The following SPAG9 variants were observed in gnomAD, a reference collection of about 807,000 sequenced individuals.
The protein encoded by SPAG9 is C-Jun-amino-terminal kinase-interacting protein 4.
SPAG9 carries 35 observed loss-of-function variants against 166.5 expected under a neutral mutation model. The observed-to-expected ratio is 0.21, with a 90% CI of 0.16 to 0.28. SPAG9 has a LOEUF of 0.28. Ranked by LOEUF, SPAG9 falls within the 10% of genes least tolerant of loss-of-function variation. The probability of loss-of-function intolerance (pLI) is 1.00; values close to 1 mark genes in which losing one functional copy is unlikely to be tolerated. For missense variants in SPAG9, 1,235 were observed against 1,603.3 expected (o/e 0.77, Z 3.92); for synonymous variants, 534 against 565.5 (o/e 0.94, Z 0.79).
chr17:51,065,427 A>T (rs2144567231), intron 2 of SPAG9, among the ~76,000 whole-genome samples: 1 of 152,310 alleles, frequency 6.6e-6, no homozygotes, highest in Non-Finnish European at 1.5e-5. Flanking sequence ...TTTTTAAAGA[A>T]AAAGTCAAAT....
intron 1 of SPAG9, among the ~76,000 whole-genome samples, chr17:51,092,766 A>C (rs79294031): frequency 4.7e-5 from 7 of 149,362 alleles, no homozygotes; most frequent in Non-Finnish European, 1.0e-4. Flanking sequence ...AAAAAAAAAA[A>C]AGAAAAAAAG....
chr17:51,077,467 T>C, intron 2 of SPAG9, among the ~76,000 whole-genome samples: 1 of 152,024 alleles, frequency 6.6e-6, no homozygotes, highest in East Asian at 1.9e-4. Context: ...GATTTAAACA[T>C]TACCTCCAAT....
Position 51,041,535 on chromosome 17 carries a change from T to G in SPAG9, c.707A>C (p.Glu236Ala), listed in dbSNP as rs1268470347. The part of the protein sequence containing the change: ...TPGSEQWKFQ[E>A]LSQPRSHTSL... ...GGTATGAGAACGTGGTTGACTTAATTCCTGAAATTTCCATTGCTCAGATCC... is the reference window on the plus strand; with the variant it reads ...GGTATGAGAACGTGGTTGACTTAATGCCTGAAATTTCCATTGCTCAGATCC... The change falls in exon 5 of 30, where the codon GAA (glutamate) becomes GCA (alanine). Residue 236 changes from glutamate (E) to alanine (A), a missense_variant. This residue lies in a region of SPAG9 where 288 missense variants were observed against 323.7 expected (regional missense o/e 0.89). Coordinates refer to ENST00000262013, the MANE Select transcript of SPAG9 (RefSeq NM_001130528.3). 2 of 1,613,978 alleles carry G rather than the reference T, an allele frequency of 1.2e-6. No homozygotes were observed. Among genetic ancestry groups the G allele is most frequent in the South Asian group, 2.2e-5 (2 of 91,066 alleles).
At chr17:50,975,527 C>T (rs1279473548) in intron 27 of SPAG9, among the ~76,000 whole-genome samples, 1 of 152,014 alleles carries the variant, frequency 6.6e-6, no homozygotes, top group African/African-American at 2.4e-5. Context: ...ATTCCATGGG[C>T]AAGTAAGTAA....
intron 1 of SPAG9, chr17:51,085,525 T>C (rs1020297023): frequency 2.0e-5 from 3 of 152,234 alleles, no homozygotes; most frequent in Non-Finnish European, 2.9e-5. Flanking sequence ...TTTTAAGTGA[T>C]GTGACAGGTC....
chr17:51,100,900 A>G (rs1480152810), intron 1 of SPAG9, among the ~76,000 whole-genome samples: 1 of 152,124 alleles, frequency 6.6e-6, no homozygotes, highest in Admixed American at 6.6e-5. Context: ...AGCCTGGGCA[A>G]TAAGAGCAAA....
chr17:50,996,814 T>G, intron 15 of SPAG9, 120 bp from the exon 16 acceptor site: 2 of 986,264 alleles, frequency 2.0e-6, no homozygotes, highest in South Asian at 3.2e-5. Flanking sequence ...GATTTCAAAT[T>G]AGTTTATTTC....
chr17:51,044,388 G>A (rs901849716), intron 4 of SPAG9, among the ~76,000 whole-genome samples: 2 of 152,096 alleles, frequency 1.3e-5, no homozygotes, highest in Admixed American at 6.5e-5. Flanking sequence ...TCTAGAAAAC[G>A]AAGCTATCAA....
At chr17:51,011,789 T>C (rs888779949) in intron 9 of SPAG9, among the ~76,000 whole-genome samples, 2 of 152,352 alleles carry the variant, frequency 1.3e-5, no homozygotes, top group East Asian at 1.9e-4. Context: ...GATAAATGTA[T>C]CAACATCTAC....
At chr17:50,992,605 T>C (rs1250537969) in intron 19 of SPAG9, among the ~76,000 whole-genome samples, 1 of 151,004 alleles carries the variant, frequency 6.6e-6, no homozygotes, top group African/African-American at 2.4e-5. Flanking sequence ...CGGAAGGTCA[T>C]GGCTGCAATG....
At chr17:51,115,594 GCCAAGGCGGGCGGATCA>G (rs1253006006) in intron 1 of SPAG9, among the ~76,000 whole-genome samples, 1 of 152,030 alleles carries the variant, frequency 6.6e-6, no homozygotes, top group Non-Finnish European at 1.5e-5. Flanking sequence ...ACTTTAGGAG[GCCAAGGCGGGCGGATCA>G]CCTGAGGTCA....
intron 2 of SPAG9, among the ~76,000 whole-genome samples, chr17:51,057,301 TGGGAGACAGTCTG>T (rs2047388358): frequency 6.6e-6 from 1 of 152,010 alleles, no homozygotes; most frequent in South Asian, 2.1e-4. Context: ...TAAGGAGCAG[TGGGAGACAGTCTG>T]GGGAGAAATA....
rs374820361 is a variant in SPAG9 at position 51,073,097 on chromosome 17, G to A, written c.424+6487C>T. The stretch of plus-strand genomic sequence containing the variant: ...TCCCAGCGCTTTGGGAGGCAGAGGT[G>A]GGCGGATCACCAGAGGTCGGGAGTT... On this transcript the variant is annotated intron_variant, in intron 2 of 29. Transcript: ENST00000262013. 9.2e-5 allele frequency among the ~76,000 whole-genome samples: 14 copies of A among 152,216 alleles called. 1 individual carries two copies. The East Asian group carries it at 2.3e-3, about 25-fold the overall frequency.
Position 51,006,192 on chromosome 17 carries a change from A to G in SPAG9, c.1317T>C (p.Asp439=), listed in dbSNP as rs778871403. 2 of 1,614,190 alleles carry G rather than the reference A, an allele frequency of 1.2e-6. No individual in the cohort carries two copies. The highest frequency in any genetic ancestry group is 8.5e-7 in the Non-Finnish European group (1 of 1,180,012). ...GCACATCTTTCTCACAGGTCAGTTC[A>G]TCCACTTTTGCTATCAAATCATTCT... ...IVKNDLIAKV[D]ELTCEKDVLQ... The change falls in exon 11 of 30, where the codon GAT becomes GAC. Residue 439 remains aspartate (D), a synonymous_variant. Coordinates refer to ENST00000262013, the MANE Select transcript of SPAG9 (RefSeq NM_001130528.3).
At chr17:51,064,912 A>C (rs2047618502) in intron 2 of SPAG9, among the ~76,000 whole-genome samples, 2 of 152,192 alleles carry the variant, frequency 1.3e-5, no homozygotes, top group Non-Finnish European at 2.9e-5. Context: ...ATCTGAGATC[A>C]GGAGTTTGAG....
At position 51,031,712 on chromosome 17, in the gene SPAG9, C is replaced by T; in HGVS notation, c.752G>A (p.Ser251Asn). ...RSHTSLKVSN[S>N]PEPQKAVEQE... is the part of the protein sequence containing the mutation. ...TTCTACAGCCTTCTGAGGTTCAGGA[C>T]TATTGCTGACCTAGGAAGAGGGAAG... Residue 251 changes from serine (S) to asparagine (N), a missense_variant, in exon 6 of 30, where the codon AGT (serine) becomes AAT (asparagine). Physicochemically the swap from Ser to Asn is conservative, Grantham distance 46. Around this residue, in one of 6 missense-constraint regions of SPAG9, gnomAD observed 288 missense variants for 323.7 expected, o/e 0.89. Transcript: ENST00000262013. 9 of 1,550,788 alleles carry T rather than the reference C, an allele frequency of 5.8e-6. No homozygotes were observed. The highest frequency in any genetic ancestry group is 7.0e-6 in the Non-Finnish European group (8 of 1,146,424).
At chr17:51,090,802 C>T (rs1273878068) in intron 1 of SPAG9, among the ~76,000 whole-genome samples, 1 of 152,176 alleles carries the variant, frequency 6.6e-6, no homozygotes, top group Non-Finnish European at 1.5e-5. Context: ...AACAGCACAA[C>T]ATTGGTTTAC....
intron 6 of SPAG9, among the ~76,000 whole-genome samples, chr17:51,024,062 C>G (rs1222489313): frequency 6.6e-6 from 1 of 152,098 alleles, no homozygotes. Context: ...TTGGGAGGCC[C>G]AGGCAGGCGG....
chr17:51,001,373 A>G (rs532403516), intron 13 of SPAG9, among the ~76,000 whole-genome samples: 10 of 152,340 alleles, frequency 6.6e-5, no homozygotes, highest in African/African-American at 2.4e-4. Context: ...CTGAGTCAAA[A>G]TAATTTATTT....
Sources: allele counts gnomAD v4.1 joint callset (sites outside exome capture counted in the v4.1 genomes callset), GRCh38; gene constraint gnomAD v4.1.1; regional missense constraint gnomAD v4.1.1; transcripts MANE v1.5; gene names NCBI Gene and HGNC (gene_info 2026-07-23, HGNC 2026-07-21).